DVL3: variants seen among roughly 807,000 people sequenced by gnomAD.
The protein encoded by DVL3 is dishevelled segment polarity protein 3, also known as segment polarity protein dishevelled homolog DVL-3.
In DVL3, 27 loss-of-function variants were observed where a neutral mutation model predicts 67.4. The ratio of observed to expected loss-of-function variants is 0.40; its 90% CI spans 0.30 to 0.55. The LOEUF is 0.55. DVL3 is among the 20% of genes least tolerant of loss of function. DVL3 has a pLI of 0.46. For missense variants in DVL3, 819 were observed against 1,021.5 expected (o/e 0.80, Z 2.70); for synonymous variants, 369 against 396.8 (o/e 0.93, Z 0.83).
At chr3:184,158,825 G>T (rs1304873061) in intron 1 of DVL3, among the ~76,000 whole-genome samples, 1 of 149,776 alleles carries the variant, frequency 6.7e-6, no homozygotes, top group African/African-American at 2.5e-5. Flanking sequence ...ACCCAGGCTG[G>T]AGTGCAGTGG....
Position 184,167,714 on chromosome 3 carries a change from G to A in DVL3, c.1330+3G>A. 6.2e-7 allele frequency: 1 copy of A among 1,607,766 alleles called. No individual in the cohort carries two copies. The highest frequency in any genetic ancestry group is 8.5e-7 in the Non-Finnish European group (1 of 1,176,506). On this transcript the variant is annotated splice_donor_region_variant and intron_variant, in intron 12 of 14. Coordinates refer to ENST00000313143, the MANE Select transcript of DVL3 (RefSeq NM_004423.4). This position sits in a 1 kb window ranked among gnomAD's most constrained non-coding sequence, Gnocchi z 4.6. ...TACCATCCCTAATGCTTTCATCGGT[G>A]AGAGAGCCCCATGGTGGGATGCAGG...
Position 184,166,762 on chromosome 3 carries a change from T to C in DVL3, c.1049-64T>C, listed in dbSNP as rs73185720. On this transcript the variant is annotated intron_variant, in intron 10 of 14. Transcript: ENST00000313143. This position sits in a 1 kb window ranked among gnomAD's most constrained non-coding sequence, Gnocchi z 6.7. ...TCTTCTCTCACCCAGAACCCCCATA[T>C]CTATCCTGTTGGGCCCAGCAGTGGG... is the stretch of plus-strand genomic sequence containing the variant. 244,789 of 1,612,892 alleles carry C rather than the reference T, an allele frequency of 0.15. 19,802 individuals are homozygous for C. The highest frequency in any genetic ancestry group is 0.16 in the Non-Finnish European group (192,538 of 1,179,232).
Position 184,170,309 on chromosome 3 carries a change from C to A in DVL3, c.1715-10C>A. The A allele has an allele frequency of 6.3e-7, 1 of 1,595,548 alleles. No homozygotes were observed. ...GCCTGCCCCACCCCGGCCCTGTTTG[C>A]CTCCTACAGGCAGTCGGAGCAGTGG... On this transcript the variant is annotated splice_polypyrimidine_tract_variant and intron_variant, in intron 14 of 14. Coordinates refer to ENST00000313143, the MANE Select transcript of DVL3 (RefSeq NM_004423.4). This position sits in a 1 kb window ranked among gnomAD's most constrained non-coding sequence, Gnocchi z 6.5.
Position 184,170,253 on chromosome 3 carries a change from A to T in DVL3, c.1714+32A>T. The stretch of plus-strand genomic sequence containing the variant: ...TAGAGGGGCCGTGGAGGAAGGCTAT[A>T]GGTGGGCCCCAGGCTTCCCCCGCCC... On this transcript the variant is annotated intron_variant, in intron 14 of 14. Coordinates refer to ENST00000313143, the MANE Select transcript of DVL3 (RefSeq NM_004423.4). This position sits in a 1 kb window ranked among gnomAD's most constrained non-coding sequence, Gnocchi z 6.5. The T allele has an allele frequency of 1.2e-5, 19 of 1,608,574 alleles. No homozygotes were observed. The highest frequency in any genetic ancestry group is 1.6e-5 in the Non-Finnish European group (19 of 1,177,298).
Position 184,165,003 on chromosome 3 carries a change from G to A in DVL3, c.599+72G>A, listed in dbSNP as rs752163954. 6.2e-7 allele frequency: 1 copy of A among 1,609,690 alleles called. No homozygotes were observed. The highest frequency in any genetic ancestry group is 8.5e-7 in the Non-Finnish European group (1 of 1,177,396). On this transcript the variant is annotated intron_variant, in intron 5 of 14. Coordinates refer to ENST00000313143, the MANE Select transcript of DVL3 (RefSeq NM_004423.4). This position sits in a 1 kb window ranked among gnomAD's most constrained non-coding sequence, Gnocchi z 4.1. ...GAGCCCTAAACCCTGAGGATGCGGG[G>A]CCCCTGGGAGGCTTATGGGCTTTGT...
chr3:184,173,436 A>G lies in DVL3; in HGVS notation c.*2681A>G, dbSNP rs576385937. 3.5e-4 allele frequency: 54 copies of G among 152,214 alleles called. No homozygotes were observed. Among genetic ancestry groups the G allele is most frequent in the Admixed American group, 2.0e-3 (30 of 15,278 alleles). The allele number at this position is 152,214 out of a possible 1,614,324, so 9.4% of individuals were successfully genotyped here. A position where few individuals can be genotyped will look rare whatever the true frequency, so the allele number is the denominator to read the frequency against. ...CAGCTCTACTATTTTTGGTTGTGTG[A>G]TAGAGTTATTTAACCTCTCTGAGCC... On this transcript the variant is annotated 3_prime_UTR_variant, in exon 15 of 15. Transcript: ENST00000313143.
Position 184,170,716 on chromosome 3 carries a change from C to G in DVL3, c.2112C>G (p.Ala704=). 1 of 1,613,800 alleles carries G rather than the reference C, an allele frequency of 6.2e-7. No homozygotes were observed. Among genetic ancestry groups the G allele is most frequent in the Non-Finnish European group, 8.5e-7 (1 of 1,179,948 alleles). The change falls in exon 15 of 15, where the codon GCC becomes GCG. Residue 704 remains alanine (A), a synonymous_variant. Transcript: ENST00000313143. This position sits in a 1 kb window ranked among gnomAD's most constrained non-coding sequence, Gnocchi z 6.5. ...CCAGCAGACAGTCCTTCCGCATGGCCATGGGAAACCCCAGTGAGTTCTTTG... is the reference window on the plus strand; with the variant it reads ...CCAGCAGACAGTCCTTCCGCATGGCGATGGGAAACCCCAGTGAGTTCTTTG... ...LTASRQSFRM[A]MGNPSEFFVD... is the part of the protein sequence containing the mutation.
At chr3:184,159,806 A>C (rs1269410234) in intron 1 of DVL3, among the ~76,000 whole-genome samples, 3 of 152,212 alleles carry the variant, frequency 2.0e-5, no homozygotes, top group Non-Finnish European at 4.4e-5. Context: ...AGTCTCTCTG[A>C]GAACAAGGCA....
Position 184,170,727 on chromosome 3 carries a change from C to T in DVL3, c.2123C>T (p.Pro708Leu). ...TCCTTCCGCATGGCCATGGGAAACCCCAGTGAGTTCTTTGTGGATGTGATG... is the reference window on the plus strand; with the variant it reads ...TCCTTCCGCATGGCCATGGGAAACCTCAGTGAGTTCTTTGTGGATGTGATG... ...RQSFRMAMGN[P>L]SEFFVDVM Residue 708 changes from proline (P) to leucine (L), a missense_variant, in exon 15 of 15, where the codon CCC becomes CTC. Physicochemically the swap from Pro to Leu is moderately conservative, Grantham distance 98. Around this residue, in one of 3 missense-constraint regions of DVL3, gnomAD observed 324 missense variants for 331.3 expected, o/e 0.98. Coordinates refer to ENST00000313143, the MANE Select transcript of DVL3 (RefSeq NM_004423.4). This position sits in a 1 kb window ranked among gnomAD's most constrained non-coding sequence, Gnocchi z 6.5. 1 of 1,613,718 alleles carries T rather than the reference C, an allele frequency of 6.2e-7. No individual in the cohort carries two copies.
Position 184,164,146 on chromosome 3 carries a change from T to C in DVL3, c.232-121T>C. On this transcript the variant is annotated intron_variant, in intron 2 of 14. Transcript: ENST00000313143. The surrounding 1 kb of genome is among the most constrained non-coding windows in gnomAD (Gnocchi z 5.3). ...TCAGCCACCCTCGCACAGCCCTGTC[T>C]TTTCTCCCTCGATATTTCCTGCTTC... 1 of 1,264,054 alleles carries C rather than the reference T, an allele frequency of 7.9e-7. No individual in the cohort carries two copies. Among genetic ancestry groups the C allele is most frequent in the Non-Finnish European group, 1.1e-6 (1 of 896,366 alleles). 78.3% of individuals were successfully genotyped at this position (1,264,054 alleles called of 1,614,324 possible).
chr3:184,160,928 T>TTC (rs1379305488), intron 1 of DVL3, among the ~76,000 whole-genome samples: 1 of 152,182 alleles, frequency 6.6e-6, no homozygotes, highest in Non-Finnish European at 1.5e-5. Flanking sequence ...AGCCTGTCCT[T>TTC]TCTACACTTT....
In DVL3 at chr3:184,167,489, T is replaced by C. The variant is rs1311870806; in HGVS notation, c.1199-91T>C. ...AGTAATTTTCCCAGCATTGATCCCA[T>C]AATTACTAGATGGTAGAGCTAGAAT... is the stretch of plus-strand genomic sequence containing the variant. On this transcript the variant is annotated intron_variant, in intron 11 of 14. Coordinates refer to ENST00000313143, the MANE Select transcript of DVL3 (RefSeq NM_004423.4). The surrounding 1 kb of genome is among the most constrained non-coding windows in gnomAD (Gnocchi z 4.6). 53 of 1,276,952 alleles carry C rather than the reference T, an allele frequency of 4.2e-5. No individual in the cohort carries two copies. Among genetic ancestry groups the C allele is most frequent in the Non-Finnish European group, 5.6e-5 (51 of 908,446 alleles). The allele number at this position is 1,276,952 out of a possible 1,614,324, so 79.1% of individuals were successfully genotyped here. A position where few individuals can be genotyped will look rare whatever the true frequency, so the allele number is the denominator to read the frequency against.
chr3:184,171,719 G>C lies in DVL3; in HGVS notation c.*964G>C. On this transcript the variant is annotated 3_prime_UTR_variant, in exon 15 of 15. Coordinates refer to ENST00000313143, the MANE Select transcript of DVL3 (RefSeq NM_004423.4). Reference sequence around the variant, plus strand: ...ACACGTTAACATAATGAGTCACTAGGCTTCTGGGGAGGGCCCAACTTCACC... The same window carrying C: ...ACACGTTAACATAATGAGTCACTAGCCTTCTGGGGAGGGCCCAACTTCACC... The C allele has an allele frequency of 7.7e-6, 4 of 518,568 alleles. No individual in the cohort carries two copies. Among genetic ancestry groups the C allele is most frequent in the Non-Finnish European group, 9.9e-6 (4 of 402,792 alleles). 32.1% of individuals were successfully genotyped at this position (518,568 alleles called of 1,614,324 possible).
chr3:184,173,578 G>C lies in DVL3; in HGVS notation c.*2823G>C, dbSNP rs1455498597. ...AGCACAGTGCCTGGCACACAGTAGA[G>C]TAGGTGCTCAATAAATGGTAGCTAT... On this transcript the variant is annotated 3_prime_UTR_variant, in exon 15 of 15. Transcript: ENST00000313143. 6.6e-6 allele frequency: 1 copy of C among 152,192 alleles called. No individual in the cohort carries two copies. The highest frequency in any genetic ancestry group is 1.9e-4 in the East Asian group (1 of 5,198). The allele number at this position is 152,192 out of a possible 1,614,324, so 9.4% of individuals were successfully genotyped here.
At position 184,170,892 on chromosome 3, in the gene DVL3, C is replaced by T. The variant is rs894650038; in HGVS notation, c.*137C>T. On this transcript the variant is annotated 3_prime_UTR_variant, in exon 15 of 15. Transcript: ENST00000313143. This position sits in a 1 kb window ranked among gnomAD's most constrained non-coding sequence, Gnocchi z 6.5. ...ACTAAATCCAGGTGCGCTAACTGCTCGCAGGGTGCTGCGAGGGTGGGGTGC... is the reference window on the plus strand; with the variant it reads ...ACTAAATCCAGGTGCGCTAACTGCTTGCAGGGTGCTGCGAGGGTGGGGTGC... 4 of 1,547,508 alleles carry T rather than the reference C, an allele frequency of 2.6e-6. No homozygotes were observed. The highest frequency in any genetic ancestry group is 3.9e-5 in the Admixed American group (2 of 50,940).
intron 1 of DVL3, among the ~76,000 whole-genome samples, chr3:184,158,363 A>G (rs1257655294): frequency 6.6e-6 from 1 of 152,078 alleles, no homozygotes; most frequent in Non-Finnish European, 1.5e-5. Context: ...ACTAGAGCAC[A>G]GAAAGCTTAA....
rs1714817604 is a variant in DVL3, at chr3:184,171,026, C to T, written c.*271C>T. ...CCCAGGACCCCTTTTGTCTCTGGGACCAGACTTGTTGGTGCTACCCCTTAC... is the reference window on the plus strand; with the variant it reads ...CCCAGGACCCCTTTTGTCTCTGGGATCAGACTTGTTGGTGCTACCCCTTAC... On this transcript the variant is annotated 3_prime_UTR_variant, in exon 15 of 15. Transcript: ENST00000313143. 6 of 1,402,858 alleles carry T rather than the reference C, an allele frequency of 4.3e-6. No individual in the cohort carries two copies. Among genetic ancestry groups the T allele is most frequent in the Non-Finnish European group, 5.6e-6 (6 of 1,069,280 alleles). 86.9% of individuals were successfully genotyped at this position (1,402,858 alleles called of 1,614,324 possible).
Position 184,155,590 on chromosome 3 carries a change from C to G in DVL3, c.-46C>G. On this transcript the variant is annotated 5_prime_UTR_variant, in exon 1 of 15. Coordinates refer to ENST00000313143, the MANE Select transcript of DVL3 (RefSeq NM_004423.4). This position sits in a 1 kb window ranked among gnomAD's most constrained non-coding sequence, Gnocchi z 5.4. ...CGCCGTCTGGGAGGCTCGGCCCGGC[C>G]GCCCGAGCAGGCCGCGCGCGGGCCG... 9.0e-7 allele frequency: 1 copy of G among 1,111,588 alleles called. No homozygotes were observed. The highest frequency in any genetic ancestry group is 1.1e-6 in the Non-Finnish European group (1 of 908,082). The allele number at this position is 1,111,588 out of a possible 1,614,324, so 68.9% of individuals were successfully genotyped here.
Position 184,171,014 on chromosome 3 carries a change from T to G in DVL3, c.*259T>G. 5 of 1,418,492 alleles carry G rather than the reference T, an allele frequency of 3.5e-6. No individual in the cohort carries two copies. The highest frequency in any genetic ancestry group is 4.6e-6 in the Non-Finnish European group (5 of 1,076,372). The allele number at this position is 1,418,492 out of a possible 1,614,324, so 87.9% of individuals were successfully genotyped here. ...TGCGCAGGACTTCCCAGGACCCCTT[T>G]TGTCTCTGGGACCAGACTTGTTGGT... On this transcript the variant is annotated 3_prime_UTR_variant, in exon 15 of 15. Transcript: ENST00000313143.
Sources: gnomAD v4.1 joint callset for allele counts (sites outside exome capture counted in the v4.1 genomes callset) on GRCh38, gnomAD v4.1.1 for gene constraint, gnomAD v4.1.1 regional missense constraint, Gnocchi (gnomAD v3.1) non-coding constraint, MANE v1.5 for transcripts, NCBI Gene and HGNC (gene_info 2026-07-23, HGNC 2026-07-21) for gene names.